The following SIK3 variants were observed in gnomAD, a reference collection of about 807,000 sequenced individuals.
The protein encoded by SIK3 is SIK family kinase 3.
SIK3 carries 28 observed loss-of-function variants against 144.2 expected under a neutral mutation model. The ratio of observed to expected loss-of-function variants is 0.19; its 90% CI spans 0.14 to 0.27. SIK3 has a LOEUF of 0.27. Ranked by LOEUF, SIK3 falls within the 10% of genes least tolerant of loss-of-function variation. The probability of loss-of-function intolerance (pLI) is 1.00; values close to 1 mark genes in which losing one functional copy is unlikely to be tolerated. For synonymous variants in SIK3, 686 were observed against 676.3 expected (o/e 1.01, Z -0.22); for missense variants, 1,319 against 1,776.0 (o/e 0.74, Z 4.62).
rs975773101 is a variant in SIK3, at chr11:116,849,758, C to T, written c.3656-475G>A. Among the ~76,000 whole-genome samples, 15 of 152,098 alleles carry T rather than the reference C, an allele frequency of 9.9e-5. No homozygotes were observed. In the East Asian group the frequency reaches 2.9e-3, roughly 29 times the overall value. On this transcript the variant is annotated intron_variant, in intron 21 of 24. Coordinates refer to ENST00000445177, the MANE Select transcript of SIK3 (RefSeq NM_001366686.3). This position sits in a 1 kb window ranked among gnomAD's most constrained non-coding sequence, Gnocchi z 4.2. ...CTGCTGCTTCTGACTCCTTTGATGG[C>T]CCCTCCACCCTTTCTAAGCAAGTAC...
At chr11:117,054,898 T>C (rs1187440832) in intron 1 of SIK3, among the ~76,000 whole-genome samples, 6 of 152,206 alleles carry the variant, frequency 3.9e-5, no homozygotes, top group Non-Finnish European at 4.4e-5. Context: ...GCTCTTTTTC[T>C]GGGCAGAACA....
At chr11:116,901,664 A>G (rs1945746241) in intron 4 of SIK3, among the ~76,000 whole-genome samples, 2 of 152,176 alleles carry the variant, frequency 1.3e-5, no homozygotes, top group South Asian at 4.1e-4. Flanking sequence ...TAGCTCCTGA[A>G]AAACATCCTC....
chr11:116,875,014 C>T (rs1944173432), intron 11 of SIK3, 144 bp downstream of exon 11: 4 of 637,402 alleles, frequency 6.3e-6, no homozygotes, highest in Non-Finnish European at 1.1e-5. Flanking sequence ...ACATAAGTTA[C>T]ATCATATCAT....
chr11:116,953,984 A>G (rs367820776), intron 3 of SIK3, 60 bp downstream of exon 3: 1 of 1,390,558 alleles, frequency 7.2e-7, no homozygotes, highest in Non-Finnish European at 1.0e-6. Flanking sequence ...CTGAACAGCT[A>G]TTTTAGGTTT....
At chr11:117,018,948 G>A (rs1168851809) in intron 1 of SIK3, among the ~76,000 whole-genome samples, 11 of 152,004 alleles carry the variant, frequency 7.2e-5, no homozygotes, top group Non-Finnish European at 1.6e-4. Flanking sequence ...CTGACCTTAG[G>A]TGATCCACCC....
Position 116,858,557 on chromosome 11 carries a change from C to G in SIK3, c.2908G>C (p.Val970Leu). 1 of 1,613,736 alleles carries G rather than the reference C, an allele frequency of 6.2e-7. No homozygotes were observed. Among genetic ancestry groups the G allele is most frequent in the Non-Finnish European group, 8.5e-7 (1 of 1,179,906 alleles). ...VGFSPTQALK[V>L]PPLDQFPTFP... ...GTGGGGAATTGGTCAAGTGGAGGGA[C>G]TTTCAGGGCTTGGGTTGGAGAGAAC... Residue 970 changes from valine (V) to leucine (L), a missense_variant, in exon 21 of 25, where the codon GTC (valine) becomes CTC (leucine). This residue lies in a region of SIK3 where 646 missense variants were observed against 763.7 expected (regional missense o/e 0.85). Transcript: ENST00000445177. The surrounding 1 kb of genome is among the most constrained non-coding windows in gnomAD (Gnocchi z 5.4).
intron 10 of SIK3, 44 bp from the exon 11 acceptor site, chr11:116,875,311 G>A (rs181854997): frequency 2.5e-6 from 4 of 1,612,878 alleles, no homozygotes; most frequent in Admixed American, 3.3e-5. Flanking sequence ...TCAGAAGGAA[G>A]GGAAGCAAGG....
chr11:116,898,765 A>T (rs1276411984), intron 4 of SIK3, among the ~76,000 whole-genome samples: 2 of 151,618 alleles, frequency 1.3e-5, no homozygotes, highest in Non-Finnish European at 2.9e-5. Flanking sequence ...TGGCTGCATA[A>T]ATGTCTTCTT....
At chr11:116,868,978 T>C (rs1345691836) in intron 14 of SIK3, 2 of 152,160 alleles carry the variant, frequency 1.3e-5, no homozygotes, top group Non-Finnish European at 2.9e-5. Flanking sequence ...ATGGGCATTA[T>C]ACCCTTGAAA....
At chr11:117,058,519 CAAA>C (rs61453348) in intron 1 of SIK3, among the ~76,000 whole-genome samples, 2 of 116,864 alleles carry the variant, frequency 1.7e-5, no homozygotes. Context: ...GACTCCATCT[CAAA>C]AAAAAAAAAA....
At chr11:116,995,315 G>A (rs1950627262) in intron 1 of SIK3, among the ~76,000 whole-genome samples, 1 of 149,460 alleles carries the variant, frequency 6.7e-6, no homozygotes, top group African/African-American at 2.5e-5. Context: ...CCAGGCTGGA[G>A]TGCAGTGGCG....
At chr11:116,868,180 A>G (rs376986626) in intron 14 of SIK3, 91 bp from the exon 15 acceptor site, 22 of 1,477,324 alleles carry the variant, frequency 1.5e-5, no homozygotes, top group Middle Eastern at 3.4e-4. Context: ...AAAGCACTCA[A>G]TGAAATAGTG....
intron 1 of SIK3, among the ~76,000 whole-genome samples, chr11:116,987,749 C>T (rs940444250): frequency 3.3e-5 from 5 of 152,294 alleles, no homozygotes; most frequent in Non-Finnish European, 2.9e-5. Context: ...TAGTAAACCA[C>T]GTCCACCAGA....
At chr11:117,005,411 G>A (rs1168695885) in intron 1 of SIK3, among the ~76,000 whole-genome samples, 1 of 151,276 alleles carries the variant, frequency 6.6e-6, no homozygotes, top group Non-Finnish European at 1.5e-5. Flanking sequence ...GGAAAGCATG[G>A]AGGTGGGAGG....
intron 1 of SIK3, among the ~76,000 whole-genome samples, chr11:117,078,823 G>C (rs1196212478): frequency 6.6e-6 from 1 of 152,078 alleles, no homozygotes; most frequent in Admixed American, 6.6e-5. Context: ...CATCAGTGGG[G>C]TGCCAACACA....
At chr11:117,088,779 C>T (rs1017554383) in intron 1 of SIK3, among the ~76,000 whole-genome samples, 6 of 152,108 alleles carry the variant, frequency 3.9e-5, no homozygotes, top group African/African-American at 7.2e-5. Flanking sequence ...TGGGCTCAAG[C>T]GATCCTCCCA....
At chr11:117,082,623 G>A (rs1401924598) in intron 1 of SIK3, among the ~76,000 whole-genome samples, 4 of 152,102 alleles carry the variant, frequency 2.6e-5, no homozygotes, top group Non-Finnish European at 4.4e-5. Context: ...GAGAAGAGAG[G>A]TTGAAGAAAT....
In SIK3 at chr11:116,873,616, C is replaced by T. The variant is rs141609930; in HGVS notation, c.1602G>A (p.Pro534=). The T allele has an allele frequency of 1.1e-4, 178 of 1,573,600 alleles. No homozygotes were observed. The African/African-American group carries it at 2.2e-3, about 19-fold the overall frequency. The part of the protein sequence containing the change: ...LEYKEQSLLQ[P]PTLQLLNGMG... ...TTCCATTCAACAGCTGTAGCGTGGG[C>T]GGCTGTAGGAGAGACTGCTCCTGCC... Residue 534 remains proline, a synonymous_variant, in exon 13 of 25, where the codon CCG becomes CCA. Coordinates refer to ENST00000445177, the MANE Select transcript of SIK3 (RefSeq NM_001366686.3).
chr11:117,041,034 C>T (rs1005044525), intron 1 of SIK3, among the ~76,000 whole-genome samples: 4 of 150,218 alleles, frequency 2.7e-5, no homozygotes, highest in Non-Finnish European at 5.9e-5. Flanking sequence ...TAACTATAGC[C>T]CTCATGTTAT....
Sources: allele counts gnomAD v4.1 joint callset (sites outside exome capture counted in the v4.1 genomes callset), GRCh38; gene constraint gnomAD v4.1.1; regional missense constraint gnomAD v4.1.1; non-coding constraint Gnocchi (gnomAD v3.1); transcripts MANE v1.5; gene names NCBI Gene and HGNC (gene_info 2026-07-23, HGNC 2026-07-21).